SMCO2: variants seen among roughly 807,000 people sequenced by gnomAD.
SMCO2 encodes the protein single-pass membrane protein with coiled-coil domains 2.
A neutral mutation model predicts 29.5 loss-of-function variants in SMCO2; 25 were observed. The observed-to-expected ratio is 0.85, with a 90% CI of 0.62 to 1.18. The LOEUF is 1.18. Ranked by LOEUF, SMCO2 falls within the 50% of genes most tolerant of loss-of-function variation. SMCO2 has a pLI of 0.00. For missense variants in SMCO2, 348 were observed against 344.5 expected (o/e 1.01, Z -0.08); for synonymous variants, 117 against 123.3 (o/e 0.95, Z 0.34).
the SMCO2 span, among the ~76,000 whole-genome samples, chr12:27,429,852 A>C: frequency 6.6e-6 from 1 of 152,084 alleles, no homozygotes; most frequent in Non-Finnish European, 1.5e-5. Flanking sequence ...TTCTTTCCAG[A>C]GTTAATTTTA....
intron 6 of SMCO2, 130 bp downstream of exon 7, chr12:27,494,486 A>AC (rs1565682885): frequency 7.1e-6 from 1 of 141,242 alleles, no homozygotes; most frequent in East Asian, 1.4e-4. Context: ...ATTTAATTTA[A>AC]TTTATTATTA....
chr12:27,473,966 AC>A (rs1405256717), intron 3 of SMCO2, among the ~76,000 whole-genome samples: 2 of 152,246 alleles, frequency 1.3e-5, no homozygotes, highest in East Asian at 1.9e-4. Flanking sequence ...GAATACAGAA[AC>A]AAAAAAGTAA....
At chr12:27,476,749 C>T (rs758246273) in intron 4 of SMCO2, among the ~76,000 whole-genome samples, 19 of 151,606 alleles carry the variant, frequency 1.3e-4, no homozygotes, top group Admixed American at 3.3e-4. Context: ...GTCTTTACAG[C>T]GAAGTGAGTT....
At chr12:27,488,167 T>TC (rs1050843884) in intron 4 of SMCO2, among the ~76,000 whole-genome samples, 1 of 152,184 alleles carries the variant, frequency 6.6e-6, no homozygotes, top group African/African-American at 2.4e-5. Context: ...TAATCTTATG[T>TC]CCCCCAAATT....
At chr12:27,429,399 A>G in the SMCO2 span, among the ~76,000 whole-genome samples, 1 of 151,990 alleles carries the variant, frequency 6.6e-6, no homozygotes, top group Non-Finnish European at 1.5e-5. Flanking sequence ...ACTGTTTAAT[A>G]CAAAAAAGAA....
At chr12:27,492,433 C>T (rs970528866) in intron 5 of SMCO2, among the ~76,000 whole-genome samples, 1 of 152,174 alleles carries the variant, frequency 6.6e-6, no homozygotes, top group Non-Finnish European at 1.5e-5. Context: ...CATGGTGGCT[C>T]ATGCCTGTAA....
chr12:27,436,766 G>T, the SMCO2 span, among the ~76,000 whole-genome samples: 1 of 152,208 alleles, frequency 6.6e-6, no homozygotes, highest in Non-Finnish European at 1.5e-5. Flanking sequence ...CTAGCTAAGA[G>T]TAAGGTGGTA....
intron 4 of SMCO2, among the ~76,000 whole-genome samples, chr12:27,487,722 A>G (rs1000142942): frequency 1.4e-5 from 2 of 146,556 alleles, no homozygotes; most frequent in African/African-American, 5.0e-5. Flanking sequence ...CCTCACTAGC[A>G]TTTGGTGTTA....
intron 4 of SMCO2, 100 bp downstream of exon 5, chr12:27,475,831 C>T (rs1318448584): frequency 8.8e-7 from 1 of 1,132,260 alleles, no homozygotes; most frequent in East Asian, 3.0e-5. Flanking sequence ...GTCTTTAGGC[C>T]ATAGGTATAC....
At chr12:27,431,644 G>A in the SMCO2 span, among the ~76,000 whole-genome samples, 24 of 151,976 alleles carry the variant, frequency 1.6e-4, no homozygotes, top group Middle Eastern at 3.4e-3. Flanking sequence ...AAATCCATCC[G>A]TCCATTGAAG....
chr12:27,481,840 C>T (rs1439534505), intron 4 of SMCO2, among the ~76,000 whole-genome samples: 3 of 152,094 alleles, frequency 2.0e-5, no homozygotes, highest in Non-Finnish European at 4.4e-5. Flanking sequence ...GTATTGATGT[C>T]TCCTCACTTA....
the SMCO2 span, among the ~76,000 whole-genome samples, chr12:27,447,381 A>T: frequency 6.6e-6 from 1 of 152,078 alleles, no homozygotes; most frequent in African/African-American, 2.4e-5. Flanking sequence ...CTACCTGGCT[A>T]ACCCTTTCTT....
intron 1 of SMCO2, 123 bp from the exon 2 acceptor site, chr12:27,470,491 GAACAGCCA>G: frequency 1.1e-6 from 1 of 929,272 alleles, no homozygotes; most frequent in African/African-American, 2.9e-5. Flanking sequence ...CCTTTACGAT[GAACAGCCA>G]GTTGAAAGGG....
the SMCO2 span, among the ~76,000 whole-genome samples, chr12:27,432,462 C>A: frequency 3.9e-5 from 6 of 152,214 alleles, no homozygotes; most frequent in East Asian, 1.2e-3. Flanking sequence ...ATTTGTAAAT[C>A]ATTACTCAGT....
intron 4 of SMCO2, among the ~76,000 whole-genome samples, chr12:27,480,356 A>C (rs1473971669): frequency 2.0e-5 from 3 of 152,092 alleles, no homozygotes; most frequent in African/African-American, 7.2e-5. Flanking sequence ...CCCAGGAACA[A>C]TGGCTCCTCA....
At chr12:27,497,921 A>G (rs1020707182) in intron 7 of SMCO2, 7 of 340,906 alleles carry the variant, frequency 2.1e-5, no homozygotes, top group Non-Finnish European at 3.4e-5. Flanking sequence ...TAAAGTAACT[A>G]GAGTCTCCCG....
At chr12:27,477,521 T>A (rs1483532475) in intron 4 of SMCO2, among the ~76,000 whole-genome samples, 2 of 151,834 alleles carry the variant, frequency 1.3e-5, no homozygotes, top group African/African-American at 4.8e-5. Context: ...TTCATTAAAT[T>A]TTTTTTAATG....
chr12:27,501,694 G>A (rs1036566811), intron 7 of SMCO2, among the ~76,000 whole-genome samples: 1 of 150,346 alleles, frequency 6.7e-6, no homozygotes, highest in Non-Finnish European at 1.5e-5. Flanking sequence ...CACTATCCAG[G>A]GATTTTATTG....
At chr12:27,486,343 T>A (rs1190754169) in intron 4 of SMCO2, among the ~76,000 whole-genome samples, 1 of 152,136 alleles carries the variant, frequency 6.6e-6, no homozygotes, top group Non-Finnish European at 1.5e-5. Context: ...CCACCAGCCT[T>A]CTCCTGCATC....
Sources: gnomAD v4.1 joint callset for allele counts (sites outside exome capture counted in the v4.1 genomes callset) on GRCh38, gnomAD v4.1.1 for gene constraint, MANE v1.5 for transcripts, NCBI Gene and HGNC (gene_info 2026-07-23, HGNC 2026-07-21) for gene names.